ETV6: variants seen among roughly 807,000 people sequenced by gnomAD.
ETV6 encodes the protein transcription factor ETV6.
In ETV6, 16 loss-of-function variants were observed where a neutral mutation model predicts 51.1. That is an observed-to-expected ratio of 0.31 (90% confidence interval 0.21 to 0.48). The LOEUF (loss-of-function observed/expected upper bound fraction) is 0.48. Among genes scored for constraint, ETV6 ranks in the 20% least tolerant of loss-of-function variants. ETV6 has a pLI of 0.99. For synonymous variants in ETV6, 240 were observed against 224.1 expected, an observed-to-expected ratio of 1.07 and a Z score of -0.64; for missense variants, 458 against 594.8, an observed-to-expected ratio of 0.77 and a Z score of 2.39.
chr12:11,861,475 T>C (rs1435325696), intron 4 of ETV6, among the ~76,000 whole-genome samples: 1 of 151,918 alleles, frequency 6.6e-6, no homozygotes, highest in African/African-American at 2.4e-5. Context: ...CCTCTTTGCA[T>C]CTGTCTGGGC....
In ETV6 at chr12:11,650,126, A is replaced by C. The variant is rs1863862312; in HGVS notation, c.-2A>C. ...ACTTCCTGATCTCTCTCGCTGTGAGACATGTCTGAGACTCCTGCTCAGTGT... is the reference window on the plus strand; with the variant it reads ...ACTTCCTGATCTCTCTCGCTGTGAGCCATGTCTGAGACTCCTGCTCAGTGT... On this transcript the variant is annotated 5_prime_UTR_variant, in exon 1 of 8. Coordinates refer to ENST00000396373, the MANE Select transcript of ETV6 (RefSeq NM_001987.5). 1 of 1,613,668 alleles carries C rather than the reference A, an allele frequency of 6.2e-7. No homozygotes were observed. Among genetic ancestry groups the C allele is most frequent in the African/African-American group, 1.3e-5 (1 of 75,004 alleles).
intron 1 of ETV6, among the ~76,000 whole-genome samples, chr12:11,746,091 G>T (rs1394743935): frequency 1.3e-5 from 2 of 152,212 alleles, no homozygotes; most frequent in Admixed American, 1.3e-4. Flanking sequence ...TAAGAAGGTA[G>T]GTGCCTTGGC....
At chr12:11,861,170 T>C (rs998082235) in intron 4 of ETV6, among the ~76,000 whole-genome samples, 30 of 152,202 alleles carry the variant, frequency 2.0e-4, no homozygotes, top group Admixed American at 3.3e-4. Flanking sequence ...CTTTCTGTTC[T>C]GGGATTCTTG....
chr12:11,803,922 A>C (rs550739792), intron 2 of ETV6, among the ~76,000 whole-genome samples: 153 of 152,174 alleles, frequency 1.0e-3, no homozygotes, highest in Non-Finnish European at 2.0e-3. Context: ...TATTAGTATC[A>C]TCATCATCAT....
At chr12:11,843,682 C>G (rs891657143) in intron 3 of ETV6, among the ~76,000 whole-genome samples, 1 of 152,132 alleles carries the variant, frequency 6.6e-6, no homozygotes, top group African/African-American at 2.4e-5. Flanking sequence ...TACGATTATA[C>G]CTTAAGTCAA....
chr12:11,782,826 T>C (rs947132960), intron 2 of ETV6, among the ~76,000 whole-genome samples: 1 of 152,216 alleles, frequency 6.6e-6, no homozygotes, highest in Non-Finnish European at 1.5e-5. Context: ...GAAATGCAAT[T>C]AAATTGTTTC....
At chr12:11,815,105 T>C (rs554844473) in intron 2 of ETV6, among the ~76,000 whole-genome samples, 67 of 152,250 alleles carry the variant, frequency 4.4e-4, no homozygotes, top group Non-Finnish European at 8.8e-4. Context: ...CGCCCCAGAA[T>C]AGGATACCTA....
chr12:11,756,591 G>T (rs1331668019), intron 2 of ETV6, among the ~76,000 whole-genome samples: 1 of 152,180 alleles, frequency 6.6e-6, no homozygotes, highest in African/African-American at 2.4e-5. Context: ...TTGACTCTAC[G>T]CAGAGAAGGG....
At chr12:11,734,545 A>G (rs1246493530) in intron 1 of ETV6, among the ~76,000 whole-genome samples, 1 of 151,666 alleles carries the variant, frequency 6.6e-6, no homozygotes, top group Admixed American at 6.6e-5. Context: ...AAAAAAAAGA[A>G]GAAGAAGAAA....
At chr12:11,749,338 CACACACA>C (rs1865974487) in intron 1 of ETV6, among the ~76,000 whole-genome samples, 1 of 115,068 alleles carries the variant, frequency 8.7e-6, no homozygotes, top group African/African-American at 2.9e-5. Flanking sequence ...CACACACACA[CACACACA>C]CACACCCCTA....
intron 3 of ETV6, among the ~76,000 whole-genome samples, chr12:11,850,957 G>T (rs1329946274): frequency 6.6e-6 from 1 of 152,208 alleles, no homozygotes; most frequent in Non-Finnish European, 1.5e-5. Flanking sequence ...CCTACTCTGG[G>T]TGCTTCTTGA....
intron 4 of ETV6, among the ~76,000 whole-genome samples, chr12:11,868,670 C>G (rs1180693213): frequency 6.6e-6 from 1 of 151,706 alleles, no homozygotes. Context: ...ATAATTATTA[C>G]TAATATTATT....
At chr12:11,728,939 A>G (rs142629803) in intron 1 of ETV6, among the ~76,000 whole-genome samples, 3 of 152,332 alleles carry the variant, frequency 2.0e-5, no homozygotes, top group Non-Finnish European at 4.4e-5. Flanking sequence ...TTTATTTACA[A>G]TTTAATATTC....
chr12:11,659,273 G>A (rs530331877), intron 1 of ETV6, among the ~76,000 whole-genome samples: 1 of 152,254 alleles, frequency 6.6e-6, no homozygotes, highest in South Asian at 2.1e-4. Flanking sequence ...ACCTAAATTC[G>A]ATCCTAAGTC....
At chr12:11,676,337 A>G (rs1864421329) in intron 1 of ETV6, among the ~76,000 whole-genome samples, 1 of 152,118 alleles carries the variant, frequency 6.6e-6, no homozygotes, top group Non-Finnish European at 1.5e-5. Flanking sequence ...CCAGTCCCAG[A>G]TCATCCTGTT....
At chr12:11,849,853 A>T (rs1946521797) in intron 3 of ETV6, among the ~76,000 whole-genome samples, 1 of 152,202 alleles carries the variant, frequency 6.6e-6, no homozygotes. Flanking sequence ...CCAAGTTATT[A>T]CTGGGACACA....
intron 1 of ETV6, among the ~76,000 whole-genome samples, chr12:11,687,925 T>C (rs1864667616): frequency 6.6e-6 from 1 of 152,246 alleles, no homozygotes. Flanking sequence ...TACTGAGTGC[T>C]TCCCGTGTGC....
At chr12:11,879,597 G>A (rs1177252570) in intron 5 of ETV6, among the ~76,000 whole-genome samples, 1 of 152,174 alleles carries the variant, frequency 6.6e-6, no homozygotes, top group Non-Finnish European at 1.5e-5. Context: ...AGGAAGGAGA[G>A]GGAACTATAC....
chr12:11,702,135 G>A (rs1335570433), intron 1 of ETV6, among the ~76,000 whole-genome samples: 1 of 152,152 alleles, frequency 6.6e-6, no homozygotes, highest in Admixed American at 6.5e-5. Flanking sequence ...AGAGACCACT[G>A]TGTGGGGCAA....
Sources: allele counts gnomAD v4.1 joint callset (sites outside exome capture counted in the v4.1 genomes callset), GRCh38; gene constraint gnomAD v4.1.1; transcripts MANE v1.5; gene names NCBI Gene and HGNC (gene_info 2026-07-23, HGNC 2026-07-21).